The following IGF2BP1 variants were observed in gnomAD, a reference collection of about 807,000 sequenced individuals.
IGF2BP1 encodes the protein insulin-like growth factor 2 mRNA-binding protein 1.
A neutral mutation model predicts 74.9 loss-of-function variants in IGF2BP1; 11 were observed. The observed-to-expected ratio is 0.15, with a 90% confidence interval of 0.09 to 0.24. IGF2BP1 has a LOEUF of 0.24. Ranked by LOEUF, IGF2BP1 falls within the 10% of genes least tolerant of loss-of-function variation. The pLI is 1.00. For synonymous variants in IGF2BP1, 287 were observed against 281.8 expected (o/e 1.02, Z -0.18); for missense variants, 440 against 757.4 (o/e 0.58, Z 4.92).
chr17:49,023,550 C>G (rs1031082845), intron 2 of IGF2BP1, among the ~76,000 whole-genome samples: 1 of 152,128 alleles, frequency 6.6e-6, no homozygotes, highest in African/African-American at 2.4e-5. Flanking sequence ...CATCCCCCTT[C>G]CCTGTTTTCA....
intron 1 of IGF2BP1, among the ~76,000 whole-genome samples, chr17:48,998,297 A>C (rs1297905388): frequency 6.6e-6 from 1 of 151,652 alleles, no homozygotes; most frequent in Non-Finnish European, 1.5e-5. Flanking sequence ...CCGCCGGTGG[A>C]CGCCCCCCCA....
chr17:49,029,517 G>C lies in IGF2BP1; in HGVS notation c.338-2393G>C, dbSNP rs576007511. On this transcript the variant is annotated intron_variant, in intron 4 of 14. Transcript: ENST00000290341. ...GTGCCTTATCTGTCCTCAGTGTTGT[G>C]GGGGGCAGAGGCTTAATTTAAGCCA... Among the ~76,000 whole-genome samples the C allele has an allele frequency of 2.0e-5, 3 of 152,280 alleles. No homozygotes were observed. The East Asian group carries it at 5.8e-4, about 29-fold the overall frequency.
chr17:49,040,432 G>A (rs1598155666), intron 7 of IGF2BP1, among the ~76,000 whole-genome samples: 2 of 152,250 alleles, frequency 1.3e-5, no homozygotes, highest in East Asian at 3.9e-4. Flanking sequence ...ACCCAGGCTG[G>A]TCTTGAACTC....
Position 49,046,392 on chromosome 17 carries a change from C to A in IGF2BP1, c.1641+19C>A, listed in dbSNP as rs1205195557. ...CAGTCAGGTACATATGGTGCTCCCC[C>A]ATTGAGGGAGGGCTGCAGGAGCCCA... On this transcript the variant is annotated intron_variant, in intron 14 of 14. Transcript: ENST00000290341. 2.5e-6 allele frequency: 4 copies of A among 1,578,422 alleles called. No individual in the cohort carries two copies. Among genetic ancestry groups the A allele is most frequent in the Non-Finnish European group, 3.5e-6 (4 of 1,147,798 alleles).
chr17:49,045,628 A>AT (rs1419248472), intron 12 of IGF2BP1, among the ~76,000 whole-genome samples: 1 of 152,044 alleles, frequency 6.6e-6, no homozygotes, highest in Non-Finnish European at 1.5e-5. Context: ...TCTGGGAACT[A>AT]TTTTTTCCCT....
chr17:48,998,018 C>T, intron 1 of IGF2BP1, 98 bp downstream of exon 1: 2 of 1,406,840 alleles, frequency 1.4e-6, no homozygotes, highest in Non-Finnish European at 9.7e-7. Context: ...CCTCTCTTCC[C>T]GGGCCTGCGG....
intron 6 of IGF2BP1, 123 bp from the exon 7 acceptor site, chr17:49,039,834 A>G: frequency 9.7e-7 from 1 of 1,031,850 alleles, no homozygotes; most frequent in Non-Finnish European, 1.4e-6. Context: ...GTTGTACTTG[A>G]TTGTCCTTGT....
chr17:49,021,821 T>A (rs936822065), intron 2 of IGF2BP1, among the ~76,000 whole-genome samples: 1 of 152,244 alleles, frequency 6.6e-6, no homozygotes, highest in South Asian at 2.1e-4. Flanking sequence ...GCAAAGGCAC[T>A]TCTCAGCTCT....
intron 12 of IGF2BP1, among the ~76,000 whole-genome samples, chr17:49,045,368 C>T (rs188468086): frequency 3.3e-5 from 5 of 152,348 alleles, no homozygotes; most frequent in African/African-American, 1.2e-4. Flanking sequence ...GCCAAATTCT[C>T]ATCTTTTATG....
At chr17:49,045,831 C>G in intron 12 of IGF2BP1, 59 bp from the exon 13 acceptor site, 1 of 1,563,020 alleles carries the variant, frequency 6.4e-7, no homozygotes, top group Non-Finnish European at 8.7e-7. Context: ...CTTTTTCCCA[C>G]TTTTCTCTTT....
intron 5 of IGF2BP1, among the ~76,000 whole-genome samples, chr17:49,034,115 C>CTTTT (rs762314265): frequency 4.0e-4 from 47 of 118,420 alleles, no homozygotes; most frequent in African/African-American, 1.4e-3. Context: ...TGATTTGCCC[C>CTTTT]TTTTTTTTTT....
intron 14 of IGF2BP1, among the ~76,000 whole-genome samples, chr17:49,048,284 G>T (rs1362996828): frequency 6.8e-6 from 1 of 147,986 alleles, no homozygotes; most frequent in Admixed American, 6.8e-5. Flanking sequence ...ATGGAGTCTC[G>T]CTGTGTTGTC....
chr17:48,997,896 A>T lies in IGF2BP1; in HGVS notation c.151A>T (p.Met51Leu). Residue 51 changes from methionine to leucine, a missense_variant, in exon 1 of 15, where the codon ATG becomes TTG. By Grantham distance (15) the Met-to-Leu change is conservative. Around this residue, in one of 5 missense-constraint regions of IGF2BP1, gnomAD observed 105 missense variants for 199.4 expected, o/e 0.53. Coordinates refer to ENST00000290341, the MANE Select transcript of IGF2BP1 (RefSeq NM_006546.4). The surrounding 1 kb of genome is among the most constrained non-coding windows in gnomAD (Gnocchi z 4.8). Reference protein sequence around the residue: ...FVDCPDEHWAMKAIETFSGKV... With the variant: ...FVDCPDEHWALKAIETFSGKV... ...GGACTGCCCGGACGAGCACTGGGCG[A>T]TGAAGGCCATCGAAACTTTCTCCGG... 1 of 1,613,800 alleles carries T rather than the reference A, an allele frequency of 6.2e-7. No individual in the cohort carries two copies. The highest frequency in any genetic ancestry group is 8.5e-7 in the Non-Finnish European group (1 of 1,179,926).
At chr17:49,048,876 A>G (rs1292428809) in intron 14 of IGF2BP1, among the ~76,000 whole-genome samples, 1 of 152,080 alleles carries the variant, frequency 6.6e-6, no homozygotes, top group Non-Finnish European at 1.5e-5. Context: ...TTGAGGTTTC[A>G]TCCTGAAACC....
At chr17:49,036,192 TGG>T (rs1436190059) in intron 5 of IGF2BP1, among the ~76,000 whole-genome samples, 1 of 152,102 alleles carries the variant, frequency 6.6e-6, no homozygotes, top group Non-Finnish European at 1.5e-5. Context: ...TGTGAAGTGT[TGG>T]GGCTGCGGCA....
chr17:48,999,183 C>T lies in IGF2BP1; in HGVS notation c.236+14C>T. On this transcript the variant is annotated intron_variant, in intron 2 of 14. Coordinates refer to ENST00000290341, the MANE Select transcript of IGF2BP1 (RefSeq NM_006546.4). ...CAAAAAACAAAGGTAGGAAAGAGCT[C>T]TTTTCGGGGGGGGTGGGGGGGCCGC... The T allele has an allele frequency of 2.2e-6, 2 of 890,514 alleles. No individual in the cohort carries two copies. Among genetic ancestry groups the T allele is most frequent in the East Asian group, 8.0e-5 (2 of 24,906 alleles). 55.2% of individuals were successfully genotyped at this position (890,514 alleles called of 1,614,324 possible).
chr17:49,002,237 A>G (rs1043206451), intron 2 of IGF2BP1, among the ~76,000 whole-genome samples: 2 of 152,164 alleles, frequency 1.3e-5, no homozygotes, highest in African/African-American at 4.8e-5. Context: ...CTCCCAAAAG[A>G]AAGTGTCCAA....
At chr17:49,032,030 G>A in intron 5 of IGF2BP1, 57 bp downstream of exon 5, 2 of 1,456,526 alleles carry the variant, frequency 1.4e-6, no homozygotes, top group East Asian at 2.3e-5. Flanking sequence ...GTGAAGGGTG[G>A]TGTGAGCCTG....
Position 49,026,498 on chromosome 17 carries a change from A to C in IGF2BP1, c.318A>C (p.Thr106=), listed in dbSNP as rs141422475. 5 of 1,614,112 alleles carry C rather than the reference A, an allele frequency of 3.1e-6. No homozygotes were observed. Among genetic ancestry groups the C allele is most frequent in the East Asian group, 2.2e-5 (1 of 44,882 alleles). The part of the protein sequence containing the change: ...VLDSLLAQYG[T]VENCEQVNTE... The stretch of plus-strand genomic sequence containing the variant: ...ACAGCCTGCTGGCTCAGTATGGTAC[A>C]GTAGAGAACTGTGAGCAAGGTAAGA... The change falls in exon 4 of 15, where the codon ACA becomes ACC. Residue 106 remains threonine, a synonymous_variant. Transcript: ENST00000290341.
Sources: allele counts gnomAD v4.1 joint callset (sites outside exome capture counted in the v4.1 genomes callset), GRCh38; gene constraint gnomAD v4.1.1; regional missense constraint gnomAD v4.1.1; non-coding constraint Gnocchi (gnomAD v3.1); transcripts MANE v1.5; gene names NCBI Gene and HGNC (gene_info 2026-07-23, HGNC 2026-07-21).